Variants in CNTNAP5 observed in about 807,000 individuals in gnomAD.
CNTNAP5 encodes the protein contactin-associated protein-like 5.
CNTNAP5 carries 72 observed loss-of-function variants against 150.2 expected under a neutral mutation model. The observed-to-expected ratio is 0.48, with a 90% CI of 0.40 to 0.58. The LOEUF (loss-of-function observed/expected upper bound fraction) is 0.58, where lower values mean the gene tolerates loss of function less well. Among genes scored for constraint, CNTNAP5 ranks in the 20% least tolerant of loss-of-function variants. CNTNAP5 has a pLI of 0.00. For missense variants in CNTNAP5, 1,636 were observed against 1,626.2 expected, an observed-to-expected ratio of 1.01 and a Z score of -0.10; for synonymous variants, 672 against 619.8, an observed-to-expected ratio of 1.08 and a Z score of -1.25.
At chr2:124,053,669 G>C (rs532985454) in intron 1 of CNTNAP5, among the ~76,000 whole-genome samples, 2 of 152,280 alleles carry the variant, frequency 1.3e-5, no homozygotes, top group South Asian at 2.1e-4. Flanking sequence ...ACCTAGTACA[G>C]TGTCAGGTAC....
chr2:124,127,411 G>A (rs1683733357), intron 1 of CNTNAP5, among the ~76,000 whole-genome samples: 2 of 152,212 alleles, frequency 1.3e-5, no homozygotes. Flanking sequence ...AGTAAAAGAG[G>A]ACACAAACAA....
chr2:124,815,974 T>C (rs1682353287), intron 19 of CNTNAP5, among the ~76,000 whole-genome samples: 1 of 152,204 alleles, frequency 6.6e-6, no homozygotes, highest in South Asian at 2.1e-4. Context: ...CCAGGACTAA[T>C]GTTCTTCAAG....
chr2:124,815,154 C>T (rs1307096183), intron 19 of CNTNAP5, among the ~76,000 whole-genome samples: 1 of 152,124 alleles, frequency 6.6e-6, no homozygotes, highest in African/African-American at 2.4e-5. Flanking sequence ...CATAGGCCAT[C>T]GACATTTGTC....
At position 124,312,670 on chromosome 2, in the gene CNTNAP5, G is replaced by A. The variant is rs375944451; in HGVS notation, c.381+70277G>A. On this transcript the variant is annotated intron_variant, in intron 3 of 23. Coordinates refer to ENST00000682447, the MANE Select transcript of CNTNAP5 (RefSeq NM_001367498.1). The stretch of plus-strand genomic sequence containing the variant: ...ACTGCAAGCTCCGCCTCCTGGGTTC[G>A]CACCATTCTCCTGCCTCAGCCTCCC... Among the ~76,000 whole-genome samples, 475 of 152,174 alleles carry A rather than the reference G, an allele frequency of 3.1e-3. 3 individuals are homozygous for A. The highest frequency in any genetic ancestry group is 9.8e-3 in the African/African-American group (406 of 41,512).
At chr2:124,369,638 C>A (rs1431219761) in intron 3 of CNTNAP5, among the ~76,000 whole-genome samples, 1 of 152,180 alleles carries the variant, frequency 6.6e-6, no homozygotes, top group East Asian at 1.9e-4. Context: ...TCAAATGACA[C>A]AATTTAACCT....
chr2:124,034,103 C>A (rs950318501), intron 1 of CNTNAP5, among the ~76,000 whole-genome samples: 1 of 152,002 alleles, frequency 6.6e-6, no homozygotes, highest in Admixed American at 6.6e-5. Context: ...AGTAGATGGC[C>A]AATGGGGAGA....
intron 1 of CNTNAP5, among the ~76,000 whole-genome samples, chr2:124,204,824 A>G (rs941573996): frequency 1.3e-5 from 2 of 152,120 alleles, no homozygotes; most frequent in African/African-American, 4.8e-5. Flanking sequence ...GGAGCTACAA[A>G]TCAAGATGAG....
intron 21 of CNTNAP5, among the ~76,000 whole-genome samples, chr2:124,873,658 C>A (rs1053235373): frequency 2.6e-5 from 4 of 151,946 alleles, no homozygotes; most frequent in African/African-American, 9.7e-5. Context: ...CCCTATGTAT[C>A]AGAAATAGAG....
intron 11 of CNTNAP5, among the ~76,000 whole-genome samples, chr2:124,587,913 T>G (rs763199506): frequency 9.9e-5 from 15 of 152,074 alleles, no homozygotes; most frequent in African/African-American, 1.4e-4. Flanking sequence ...GAAATATATA[T>G]AGAGACTTAG....
chr2:124,139,419 G>T (rs1392623920), intron 1 of CNTNAP5, among the ~76,000 whole-genome samples: 3 of 152,008 alleles, frequency 2.0e-5, no homozygotes, highest in Non-Finnish European at 4.4e-5. Context: ...GCTCCCTAAA[G>T]CAAGTCCGGC....
chr2:124,099,100 T>TG (rs1683006108), intron 1 of CNTNAP5, among the ~76,000 whole-genome samples: 1 of 152,174 alleles, frequency 6.6e-6, no homozygotes, highest in African/African-American at 2.4e-5. Context: ...ATGCCGCATA[T>TG]ATCCATCCTC....
chr2:124,380,036 T>G (rs921885085), intron 3 of CNTNAP5, among the ~76,000 whole-genome samples: 9 of 152,174 alleles, frequency 5.9e-5, no homozygotes, highest in African/African-American at 2.2e-4. Context: ...TCTCTGTGAT[T>G]CTAAACACAG....
intron 21 of CNTNAP5, among the ~76,000 whole-genome samples, chr2:124,890,673 G>A (rs1678175217): frequency 6.6e-6 from 1 of 152,138 alleles, no homozygotes; most frequent in Non-Finnish European, 1.5e-5. Context: ...ACTATGTGAT[G>A]TAGCCTTAAA....
At chr2:124,390,858 T>C (rs908616223) in intron 3 of CNTNAP5, among the ~76,000 whole-genome samples, 11 of 152,230 alleles carry the variant, frequency 7.2e-5, no homozygotes, top group African/African-American at 2.7e-4. Context: ...TGTACAACAT[T>C]CAGGAAGAGG....
intron 1 of CNTNAP5, among the ~76,000 whole-genome samples, chr2:124,190,684 G>T (rs1486734044): frequency 6.6e-6 from 1 of 152,088 alleles, no homozygotes; most frequent in Non-Finnish European, 1.5e-5. Context: ...TCTTAAAACA[G>T]GAATAAGGGT....
Position 124,600,843 on chromosome 2 carries a change from C to T in CNTNAP5, c.1757-8958C>T, listed in dbSNP as rs143842132. ...ATGTTGAAAGCAGAAAGTGAGTAGA[C>T]GAATAGGAACAGGTAACAGATTAAC... On this transcript the variant is annotated intron_variant, in intron 11 of 23. Transcript: ENST00000682447. Among the ~76,000 whole-genome samples the T allele has an allele frequency of 1.7e-3, 258 of 151,274 alleles. 1 individual carries two copies. Among genetic ancestry groups the T allele is most frequent in the Admixed American group, 8.6e-3 (130 of 15,168 alleles).
At chr2:124,879,516 G>T (rs74589709) in intron 21 of CNTNAP5, among the ~76,000 whole-genome samples, 8,027 of 152,156 alleles carry the variant, frequency 0.053, 668 homozygotes, top group African/African-American at 0.18. Flanking sequence ...AAATGAATGG[G>T]TTGGGAGTCA....
chr2:124,381,345 A>G (rs1243477868), intron 3 of CNTNAP5, among the ~76,000 whole-genome samples: 1 of 152,156 alleles, frequency 6.6e-6, no homozygotes, highest in African/African-American at 2.4e-5. Flanking sequence ...GGGAGGATGG[A>G]CAGCAGGCAG....
intron 8 of CNTNAP5, among the ~76,000 whole-genome samples, chr2:124,517,749 G>GGTGATGGGGGCTTGTGGTGTTA (rs1694760625): frequency 6.7e-6 from 1 of 149,306 alleles, no homozygotes; most frequent in Non-Finnish European, 1.5e-5. Context: ...TTTTGGTGTT[G>GGTGATGGGGGCTTGTGGTGTTA]GTGATGGGGG....
Sources: gnomAD v4.1 joint callset for allele counts (sites outside exome capture counted in the v4.1 genomes callset) on GRCh38, gnomAD v4.1.1 for gene constraint, MANE v1.5 for transcripts, NCBI Gene and HGNC (gene_info 2026-07-23, HGNC 2026-07-21) for gene names.